Variants in UNC79 observed in about 807,000 individuals in gnomAD.
UNC79 encodes the protein unc-79 subunit of NALCN channel complex, also known as protein unc-79 homolog.
A neutral mutation model predicts 283.1 loss-of-function variants in UNC79; 37 were observed. The observed-to-expected ratio is 0.13, with a 90% confidence interval of 0.10 to 0.17. The LOEUF (loss-of-function observed/expected upper bound fraction) is 0.17. Among genes scored for constraint, UNC79 ranks in the 10% least tolerant of loss-of-function variants. UNC79 has a pLI of 1.00. For synonymous variants in UNC79, 1,107 were observed against 1,200.2 expected (o/e 0.92, Z 1.61); for missense variants, 2,272 against 3,211.1 (o/e 0.71, Z 7.07).
At chr14:93,377,080 AT>A (rs1566901077) in intron 1 of UNC79, among the ~76,000 whole-genome samples, 2 of 145,574 alleles carry the variant, frequency 1.4e-5, no homozygotes, top group African/African-American at 5.1e-5. Context: ...AAGAAGTGCA[AT>A]GAGAATAGTT....
intron 1 of UNC79, among the ~76,000 whole-genome samples, chr14:93,387,426 G>A (rs762283132): frequency 6.6e-6 from 1 of 151,816 alleles, no homozygotes; most frequent in African/African-American, 2.4e-5. Context: ...CTTAGGTTTT[G>A]GTATGCTATG....
chr14:93,579,657 C>T (rs1009894308), intron 18 of UNC79, among the ~76,000 whole-genome samples: 15 of 152,146 alleles, frequency 9.9e-5, no homozygotes, highest in African/African-American at 3.6e-4. Flanking sequence ...TTGGCACATC[C>T]ACATCATTCT....
intron 11 of UNC79, among the ~76,000 whole-genome samples, chr14:93,535,308 C>T (rs936982521): frequency 3.3e-5 from 5 of 152,126 alleles, no homozygotes; most frequent in Admixed American, 6.5e-5. Context: ...TTTAGAACTT[C>T]GATCAACTGA....
Position 93,438,173 on chromosome 14 carries a change from G to C in UNC79, c.22+7122G>C, listed in dbSNP as rs78658324. Among the ~76,000 whole-genome samples, 306 of 152,224 alleles carry C rather than the reference G, an allele frequency of 2.0e-3. 4 individuals carry two copies. The East Asian group carries it at 0.021, about 11-fold the overall frequency. ...AAAGAAGCACCAAAGCCCTGTGAGT[G>C]TCATGCTATTAAATAACTTTTTTCA... On this transcript the variant is annotated intron_variant, in intron 1 of 48. Coordinates refer to ENST00000555664, the Ensembl canonical transcript of UNC79.
intron 1 of UNC79, among the ~76,000 whole-genome samples, chr14:93,363,175 T>C (rs2054260868): frequency 6.6e-6 from 1 of 152,212 alleles, no homozygotes; most frequent in South Asian, 2.1e-4. Flanking sequence ...TTTGTTTTCA[T>C]CAGTTTCAAG....
chr14:93,452,601 C>G (rs1341116659), intron 1 of UNC79, among the ~76,000 whole-genome samples: 1 of 152,048 alleles, frequency 6.6e-6, no homozygotes, highest in Non-Finnish European at 1.5e-5. Flanking sequence ...GTTGGACAGA[C>G]TGGTCTCGAC....
intron 1 of UNC79, among the ~76,000 whole-genome samples, chr14:93,372,163 A>T (rs2054465052): frequency 6.6e-6 from 1 of 151,590 alleles, no homozygotes; most frequent in South Asian, 2.1e-4. Flanking sequence ...AAATACTTTA[A>T]TTTTTCTTCT....
At chr14:93,344,801 G>A (rs1391172381) in intron 1 of UNC79, among the ~76,000 whole-genome samples, 1 of 152,210 alleles carries the variant, frequency 6.6e-6, no homozygotes, top group Non-Finnish European at 1.5e-5. Flanking sequence ...TGAGCCAAGG[G>A]AAGACTGAGA....
At chr14:93,590,803 G>GGAATCTTGGGC (rs2064613063) in intron 22 of UNC79, among the ~76,000 whole-genome samples, 2 of 152,236 alleles carry the variant, frequency 1.3e-5, no homozygotes, top group African/African-American at 4.8e-5. Flanking sequence ...CATGGAAATG[G>GGAATCTTGGGC]TTTTCTAGCT....
chr14:93,660,369 G>A (rs896369064), intron 39 of UNC79, among the ~76,000 whole-genome samples: 1 of 151,450 alleles, frequency 6.6e-6, no homozygotes, highest in Non-Finnish European at 1.5e-5. Flanking sequence ...GGTCCATATC[G>A]CCCCATCACT....
chr14:93,620,126 A>G (rs2067017670), intron 29 of UNC79, among the ~76,000 whole-genome samples: 1 of 152,242 alleles, frequency 6.6e-6, no homozygotes, highest in Non-Finnish European at 1.5e-5. Context: ...TTTATGTAGG[A>G]TTAGGGATCA....
intron 30 of UNC79, among the ~76,000 whole-genome samples, chr14:93,626,655 A>G (rs1219003614): frequency 6.6e-6 from 1 of 152,186 alleles, no homozygotes; most frequent in African/African-American, 2.4e-5. Context: ...TCCAAACTCT[A>G]TACTAAAACA....
chr14:93,706,798 G>C (rs2075911967), exon 49 of UNC79: 1 of 1,614,266 alleles, frequency 6.2e-7, no homozygotes, highest in Non-Finnish European at 8.5e-7. Context: ...GGCCAGAGCA[G>C]TGCTGGCCTG....
chr14:93,561,801 G>A (rs1177942388), intron 14 of UNC79, among the ~76,000 whole-genome samples: 2 of 152,172 alleles, frequency 1.3e-5, no homozygotes, highest in Non-Finnish European at 2.9e-5. Flanking sequence ...GATATCAGCT[G>A]CGATGGCTTG....
At chr14:93,586,865 C>G in exon 22 of UNC79, 2 of 1,613,900 alleles carry the variant, frequency 1.2e-6, no homozygotes, top group African/African-American at 1.3e-5. Flanking sequence ...AAAAGATCAC[C>G]CTCAATTTTT....
At chr14:93,703,899 C>T (rs546280752) in intron 47 of UNC79, among the ~76,000 whole-genome samples, 1 of 152,284 alleles carries the variant, frequency 6.6e-6, no homozygotes, top group South Asian at 2.1e-4. Context: ...TGCACAAGGC[C>T]ATGAATATTT....
chr14:93,491,610 TCTTGCAGTA>T (rs2058728666), intron 5 of UNC79, among the ~76,000 whole-genome samples: 1 of 152,232 alleles, frequency 6.6e-6, no homozygotes, highest in African/African-American at 2.4e-5. Flanking sequence ...AAATAATTCT[TCTTGCAGTA>T]CTTTAAAATG....
chr14:93,507,710 T>A (rs1319484003), intron 7 of UNC79, among the ~76,000 whole-genome samples: 1 of 152,176 alleles, frequency 6.6e-6, no homozygotes, highest in Non-Finnish European at 1.5e-5. Flanking sequence ...CATGAGTTTT[T>A]AATCTGGTAA....
chr14:93,419,117 C>A (rs1036398751), intron 1 of UNC79, among the ~76,000 whole-genome samples: 1 of 150,578 alleles, frequency 6.6e-6, no homozygotes, highest in East Asian at 2.0e-4. Context: ...TTCTGTGTCA[C>A]GCTGGGAGCT....
Sources: allele counts gnomAD v4.1 joint callset (sites outside exome capture counted in the v4.1 genomes callset), GRCh38; gene constraint gnomAD v4.1.1; transcripts MANE v1.5; gene names NCBI Gene and HGNC (gene_info 2026-07-23, HGNC 2026-07-21).